ZNF362: variants seen among roughly 807,000 people sequenced by gnomAD.
ZNF362 encodes the protein zinc finger protein 362.
In ZNF362, 11 loss-of-function variants were observed where a neutral mutation model predicts 42.9. That is an observed-to-expected ratio of 0.26 (90% CI 0.16 to 0.42). The LOEUF is 0.42. Among genes scored for constraint, ZNF362 ranks in the 20% least tolerant of loss-of-function variants. The pLI is 1.00. For missense variants in ZNF362, 362 were observed against 576.2 expected (o/e 0.63, Z 3.81); for synonymous variants, 255 against 257.3 (o/e 0.99, Z 0.09).
the ZNF362 span, among the ~76,000 whole-genome samples, chr1:33,149,702 G>C: frequency 1.3e-5 from 2 of 152,238 alleles, no homozygotes; most frequent in African/African-American, 4.8e-5. Flanking sequence ...TGATCCTGCT[G>C]CCTCAGCCTC....
the ZNF362 span, among the ~76,000 whole-genome samples, chr1:33,188,858 T>C: frequency 6.6e-6 from 1 of 152,234 alleles, no homozygotes; most frequent in Non-Finnish European, 1.5e-5. Flanking sequence ...TTCTCTGCGA[T>C]GGACACCCTC....
chr1:33,135,634 C>G, the ZNF362 span, among the ~76,000 whole-genome samples: 1 of 152,236 alleles, frequency 6.6e-6, no homozygotes, highest in Admixed American at 6.5e-5. Context: ...CTCAAACATG[C>G]TGTTCCTCCT....
At chr1:33,181,009 A>T in the ZNF362 span, 3 of 1,122,208 alleles carry the variant, frequency 2.7e-6, no homozygotes, top group Non-Finnish European at 3.5e-6. This position sits in a 1 kb window ranked among gnomAD's most constrained non-coding sequence, Gnocchi z 6.5. Context: ...TTCCCCAGGC[A>T]GGCCGGGTAG....
In ZNF362 at chr1:33,276,333, C is replaced by G. The variant is rs748965426; in HGVS notation, c.103-15C>G. ...GTGGTCCAGACCTCCTCAGCCCGTC[C>G]TCTTCTTCCCGCAGCTGGACAACCT... On this transcript the variant is annotated splice_polypyrimidine_tract_variant and intron_variant, in intron 3 of 8. Coordinates refer to ENST00000539719, the MANE Select transcript of ZNF362 (RefSeq NM_152493.3). The G allele has an allele frequency of 2.2e-5, 34 of 1,546,818 alleles. No individual in the cohort carries two copies. In the African/African-American group the frequency reaches 4.1e-4, roughly 19 times the overall value.
intron 6 of ZNF362, among the ~76,000 whole-genome samples, chr1:33,283,434 C>T (rs1294862115): frequency 6.6e-6 from 1 of 152,150 alleles, no homozygotes; most frequent in Non-Finnish European, 1.5e-5. Context: ...AGGCTGGGCT[C>T]AGTGGCTCAT....
chr1:33,205,697 T>G, the ZNF362 span, among the ~76,000 whole-genome samples: 1 of 152,074 alleles, frequency 6.6e-6, no homozygotes, highest in African/African-American at 2.4e-5. Context: ...GTGGATCACC[T>G]GAGGTCAGGA....
At position 33,299,481 on chromosome 1, in the gene ZNF362, C is replaced by T. The variant is rs1004575170; in HGVS notation, c.*435C>T. On this transcript the variant is annotated 3_prime_UTR_variant, in exon 9 of 9. Transcript: ENST00000539719. Reference sequence around the variant, plus strand: ...AGAGAACCAGAGGGCAATGTGGGACCTTCTCTTGCCATGGCCTCAGGTCTT... The same window carrying T: ...AGAGAACCAGAGGGCAATGTGGGACTTTCTCTTGCCATGGCCTCAGGTCTT... The T allele has an allele frequency of 8.9e-5, 14 of 156,858 alleles. No individual in the cohort carries two copies. Among genetic ancestry groups the T allele is most frequent in the Admixed American group, 8.8e-4 (14 of 15,970 alleles). 9.7% of individuals were successfully genotyped at this position (156,858 alleles called of 1,614,324 possible).
the ZNF362 span, chr1:33,199,859 C>G: frequency 6.6e-6 from 1 of 151,926 alleles, no homozygotes; most frequent in East Asian, 1.9e-4. Flanking sequence ...ACTAAAAATA[C>G]AAAAATTAGC....
the ZNF362 span, among the ~76,000 whole-genome samples, chr1:33,229,445 T>C: frequency 6.6e-6 from 1 of 150,962 alleles, no homozygotes. Context: ...CTTGCTCTGT[T>C]GCCCAGGCTG....
chr1:33,173,678 CT>C, the ZNF362 span, among the ~76,000 whole-genome samples: 139,961 of 143,808 alleles, frequency 0.97, 68,138 homozygotes, highest in Non-Finnish European at 0.99. Flanking sequence ...CAGTTTCTTT[CT>C]TTTTTTTTTT....
rs1646147090 is a variant in ZNF362, at chr1:33,299,150, C to G, written c.*104C>G. The G allele has an allele frequency of 7.1e-6, 6 of 839,746 alleles. No homozygotes were observed. The highest frequency in any genetic ancestry group is 1.2e-5 in the Non-Finnish European group (6 of 519,072). The allele number at this position is 839,746 out of a possible 1,614,324, so 52.0% of individuals were successfully genotyped here. ...GGCCCTCCAGGAACCACCAAGCTCT[C>G]TCACGACCTTCCCAATCTTCCAGAA... On this transcript the variant is annotated 3_prime_UTR_variant, in exon 9 of 9. Coordinates refer to ENST00000539719, the MANE Select transcript of ZNF362 (RefSeq NM_152493.3).
At chr1:33,206,471 A>T in the ZNF362 span, among the ~76,000 whole-genome samples, 1 of 152,190 alleles carries the variant, frequency 6.6e-6, no homozygotes, top group Non-Finnish European at 1.5e-5. Context: ...TGGTGATATG[A>T]ACCTGTAGTC....
At chr1:33,218,932 TACACACACACACACACACACACACAC>T in the ZNF362 span, among the ~76,000 whole-genome samples, 25 of 121,090 alleles carry the variant, frequency 2.1e-4, no homozygotes, top group Non-Finnish European at 3.3e-4. Context: ...GAGCTGGACA[TACACACACACACACACACACACACAC>T]ACACACACAC....
the ZNF362 span, among the ~76,000 whole-genome samples, chr1:33,135,376 A>G: frequency 0.03 from 4,540 of 152,280 alleles, 199 homozygotes; most frequent in African/African-American, 0.1. Context: ...CTTCCCCACA[A>G]GCAAGCTCTG....
intron 4 of ZNF362, among the ~76,000 whole-genome samples, chr1:33,277,128 T>C (rs1645956944): frequency 6.6e-6 from 1 of 152,230 alleles, no homozygotes. Flanking sequence ...GTCGAGCGCC[T>C]GTGTCTGTTC....
chr1:33,203,480 T>A, the ZNF362 span, among the ~76,000 whole-genome samples: 1 of 152,230 alleles, frequency 6.6e-6, no homozygotes, highest in East Asian at 1.9e-4. Context: ...TTCATTTTTG[T>A]ATATACCCAC....
At chr1:33,180,772 C>G in the ZNF362 span, among the ~76,000 whole-genome samples, 7 of 152,178 alleles carry the variant, frequency 4.6e-5, no homozygotes, top group Admixed American at 2.0e-4. Context: ...GCGGACCAGC[C>G]GGTACTCCAG....
the ZNF362 span, among the ~76,000 whole-genome samples, chr1:33,215,597 G>T: frequency 6.6e-6 from 1 of 152,116 alleles, no homozygotes; most frequent in Admixed American, 6.5e-5. Context: ...TACACATTGA[G>T]TGCCTGGATC....
chr1:33,194,759 T>C, the ZNF362 span: 1 of 152,076 alleles, frequency 6.6e-6, no homozygotes, highest in African/African-American at 2.4e-5. Context: ...GAGTTTATAG[T>C]TCTTGGCACA....
Sources: allele counts gnomAD v4.1 joint callset (sites outside exome capture counted in the v4.1 genomes callset), GRCh38; gene constraint gnomAD v4.1.1; non-coding constraint Gnocchi (gnomAD v3.1); transcripts MANE v1.5; gene names NCBI Gene and HGNC (gene_info 2026-07-23, HGNC 2026-07-21).